The following KLHDC1 variants were observed in gnomAD, a reference collection of about 807,000 sequenced individuals.
The protein encoded by KLHDC1 is kelch domain containing 1, also known as kelch domain-containing protein 1.
KLHDC1 carries 53 observed loss-of-function variants against 68.3 expected under a neutral mutation model. The observed-to-expected ratio is 0.78, with a 90% CI of 0.62 to 0.98. KLHDC1 has a LOEUF of 0.98. KLHDC1 is among the 50% of genes least tolerant of loss of function. The pLI is 0.00. For synonymous variants in KLHDC1, 148 were observed against 159.0 expected (o/e 0.93, Z 0.52); for missense variants, 470 against 492.3 (o/e 0.95, Z 0.43).
intron 10 of KLHDC1, among the ~76,000 whole-genome samples, chr14:49,737,207 C>T (rs1323252649): frequency 1.3e-5 from 2 of 152,106 alleles, no homozygotes; most frequent in East Asian, 1.9e-4. Context: ...TCCTTGACCC[C>T]ACCACGTAAT....
At chr14:49,721,341 CT>C (rs201626819) in intron 4 of KLHDC1, among the ~76,000 whole-genome samples, 17 of 151,056 alleles carry the variant, frequency 1.1e-4, no homozygotes, top group Admixed American at 2.0e-4. Context: ...CCTTTCTTTC[CT>C]TTTTTTTTAA....
intron 1 of KLHDC1, among the ~76,000 whole-genome samples, chr14:49,699,052 TA>T (rs1192079476): frequency 6.7e-6 from 1 of 149,518 alleles, no homozygotes; most frequent in East Asian, 2.0e-4. Flanking sequence ...TAATCCCAGC[TA>T]ATCTGGAGGC....
chr14:49,727,694 T>G (rs1391961294), intron 6 of KLHDC1, among the ~76,000 whole-genome samples: 1 of 152,158 alleles, frequency 6.6e-6, no homozygotes, highest in East Asian at 1.9e-4. Context: ...AAAATTTTGT[T>G]TTGCTGGAAG....
intron 1 of KLHDC1, among the ~76,000 whole-genome samples, chr14:49,705,440 G>T (rs1888026194): frequency 7.6e-6 from 1 of 131,152 alleles, no homozygotes; most frequent in Admixed American, 9.2e-5. Flanking sequence ...ATGATCTCAG[G>T]TTACTGCAAC....
chr14:49,741,833 G>C (rs4614646), intron 11 of KLHDC1, among the ~76,000 whole-genome samples: 139,780 of 152,070 alleles, frequency 0.92, 65,389 homozygotes, highest in East Asian at 1. Flanking sequence ...AATGATTGAT[G>C]TGGTTTTGTG....
chr14:49,710,581 A>G (rs1037712427), intron 4 of KLHDC1, among the ~76,000 whole-genome samples, 200 bp downstream of exon 4: 34 of 152,160 alleles, frequency 2.2e-4, no homozygotes, highest in Admixed American at 8.5e-4. Context: ...ACTGGGTAGG[A>G]CCTTGAGTAA....
intron 12 of KLHDC1, among the ~76,000 whole-genome samples, chr14:49,746,411 G>C (rs1403595101): frequency 6.6e-6 from 1 of 152,068 alleles, no homozygotes; most frequent in East Asian, 1.9e-4. Flanking sequence ...TTGAGGGGGA[G>C]GGAGAAGAAA....
At chr14:49,743,348 G>A (rs1369824410) in intron 11 of KLHDC1, among the ~76,000 whole-genome samples, 1 of 148,124 alleles carries the variant, frequency 6.8e-6, no homozygotes, top group Non-Finnish European at 1.5e-5. Context: ...TGCAGTGAGT[G>A]GAGATTGCAC....
chr14:49,714,750 C>T (rs771953178), intron 4 of KLHDC1, among the ~76,000 whole-genome samples: 6 of 151,088 alleles, frequency 4.0e-5, no homozygotes, highest in African/African-American at 1.2e-4. Context: ...TTATTTGACT[C>T]AAATACTCTG....
At chr14:49,714,979 A>ATT (rs1051994741) in intron 4 of KLHDC1, among the ~76,000 whole-genome samples, 3 of 147,268 alleles carry the variant, frequency 2.0e-5, no homozygotes, top group African/African-American at 7.4e-5. Context: ...TTATATATAT[A>ATT]CTTTATTTCC....
chr14:49,698,618 C>T (rs1004489712), intron 1 of KLHDC1, among the ~76,000 whole-genome samples: 5 of 148,552 alleles, frequency 3.4e-5, no homozygotes, highest in Admixed American at 1.3e-4. Context: ...TGGGTTCAAG[C>T]GATTCTCCTG....
In KLHDC1 at chr14:49,713,798, GTATATATATATATATATA is replaced by G. The variant is rs1174449263; in HGVS notation, c.404+3453_404+3470del. ...GCTACTCAGGTGGCTGAGGCAGGAG[GTATATATATATATATATA>G]TATATATATATATATATATATATAT... is the stretch of plus-strand genomic sequence containing the variant. On this transcript the variant is annotated intron_variant, in intron 4 of 12. Transcript: ENST00000359332. Among the ~76,000 whole-genome samples, 33 of 58,566 alleles carry G rather than the reference GTATATATATATATATATA, an allele frequency of 5.6e-4. 3 individuals are homozygous for G. The highest frequency in any genetic ancestry group is 1.9e-3 in the African/African-American group (28 of 14,622). 38.4% of individuals were successfully genotyped at this position (58,566 alleles called of 152,430 possible).
intron 3 of KLHDC1, 29 bp from the exon 4 acceptor site, chr14:49,710,234 T>A: frequency 8.7e-7 from 1 of 1,153,522 alleles, no homozygotes; most frequent in Non-Finnish European, 1.3e-6. Flanking sequence ...AAATGCCCTG[T>A]CTGCTAATAG....
chr14:49,713,585 A>T (rs1024390164), intron 4 of KLHDC1, among the ~76,000 whole-genome samples: 1 of 151,364 alleles, frequency 6.6e-6, no homozygotes, highest in Non-Finnish European at 1.5e-5. Context: ...AAAATCATGG[A>T]TTTGAAATAT....
chr14:49,695,302 A>T (rs953326569), intron 1 of KLHDC1, among the ~76,000 whole-genome samples: 2 of 152,124 alleles, frequency 1.3e-5, no homozygotes, highest in Non-Finnish European at 2.9e-5. Flanking sequence ...CCAGCCATGA[A>T]ATGTATTTTC....
In KLHDC1 at chr14:49,704,755, CT is replaced by C. The variant is rs1217638331; in HGVS notation, c.97-4396del. ...GAAGAAAAGGAGTCAAGGGAGAATT[CT>C]TTTTTTTGAAAGGTGAGATGAGACA... On this transcript the variant is annotated intron_variant, in intron 1 of 12. Coordinates refer to ENST00000359332, the MANE Select transcript of KLHDC1 (RefSeq NM_172193.3). Among the ~76,000 whole-genome samples, 8 of 151,854 alleles carry C rather than the reference CT, an allele frequency of 5.3e-5. No individual in the cohort carries two copies. In the East Asian group the frequency reaches 1.5e-3, roughly 29 times the overall value.
At chr14:49,721,055 A>G (rs1464921977) in intron 4 of KLHDC1, among the ~76,000 whole-genome samples, 2 of 151,916 alleles carry the variant, frequency 1.3e-5, no homozygotes, top group Non-Finnish European at 2.9e-5. Flanking sequence ...TAGTATCCTC[A>G]TCATAGTTTT....
At chr14:49,705,939 C>T (rs1888040166) in intron 1 of KLHDC1, among the ~76,000 whole-genome samples, 1 of 152,150 alleles carries the variant, frequency 6.6e-6, no homozygotes, top group Non-Finnish European at 1.5e-5. Flanking sequence ...ATAATAGTCA[C>T]ATCATATAAA....
chr14:49,746,854 C>T (rs747901754), intron 12 of KLHDC1, among the ~76,000 whole-genome samples: 2 of 152,110 alleles, frequency 1.3e-5, no homozygotes, highest in Non-Finnish European at 1.5e-5. Flanking sequence ...CCAGAAACCT[C>T]TTATCCTGTT....
Sources: allele counts gnomAD v4.1 joint callset (sites outside exome capture counted in the v4.1 genomes callset), GRCh38; gene constraint gnomAD v4.1.1; transcripts MANE v1.5; gene names NCBI Gene and HGNC (gene_info 2026-07-23, HGNC 2026-07-21).